Variants in TSEN15 observed in about 807,000 individuals in gnomAD.
TSEN15 encodes the protein tRNA splicing endonuclease subunit 15.
Under a neutral mutation model 20.5 loss-of-function variants are expected in TSEN15, and 10 were observed. The ratio of observed to expected loss-of-function variants is 0.49; its 90% confidence interval spans 0.30 to 0.83. The LOEUF is 0.83. TSEN15 is among the 40% of genes least tolerant of loss of function. TSEN15 has a pLI of 0.06. For synonymous variants in TSEN15, 72 were observed against 80.1 expected (o/e 0.90, Z 0.54); for missense variants, 180 against 218.6 (o/e 0.82, Z 1.11).
rs759310152 is a variant in TSEN15, at chr1:184,072,192, A to G, written c.389A>G (p.Gln130Arg). ...ATCTTGAAGGCATCTCGAAAGTTGCAAGGTGATCCAGATTTGCCGATGTCT... is the reference window on the plus strand; with the variant it reads ...ATCTTGAAGGCATCTCGAAAGTTGCGAGGTGATCCAGATTTGCCGATGTCT... ...REILKASRKLQGDPDLPMSFT... is the reference protein window; with the variant it reads ...REILKASRKLRGDPDLPMSFT... The change falls in exon 4 of 5, where the codon CAA becomes CGA. Residue 130 changes from glutamine to arginine, a missense_variant. By Grantham distance (43) the Gln-to-Arg change is conservative. Around this residue, in one of 3 missense-constraint regions of TSEN15, gnomAD observed 76 missense variants for 123.4 expected, o/e 0.62. Coordinates refer to ENST00000645668, the MANE Select transcript of TSEN15 (RefSeq NM_052965.4). 3 of 1,613,574 alleles carry G rather than the reference A, an allele frequency of 1.9e-6. No homozygotes were observed. The highest frequency in any genetic ancestry group is 2.5e-6 in the Non-Finnish European group (3 of 1,179,678).
At chr1:184,064,243 C>G (rs182254361) in intron 3 of TSEN15, among the ~76,000 whole-genome samples, 68 of 152,184 alleles carry the variant, frequency 4.5e-4, no homozygotes, top group African/African-American at 8.7e-4. Context: ...TCTGGGAAAA[C>G]TTACTGGAGG....
intron 3 of TSEN15, chr1:184,095,067 C>T (rs1651424279): frequency 2.5e-6 from 1 of 398,688 alleles, no homozygotes. Flanking sequence ...TTCACTGTTG[C>T]TGAGACTGCG....
chr1:184,097,443 T>C (rs1651475474), exon 4 of TSEN15: 1 of 152,264 alleles, frequency 6.6e-6, no homozygotes, highest in Admixed American at 6.5e-5. Context: ...AATCCCTTGC[T>C]TTTTATTCCT....
downstream of TSEN15, among the ~76,000 whole-genome samples, chr1:184,075,761 CTTT>C (rs1201452626): frequency 6.6e-6 from 1 of 151,964 alleles, no homozygotes; most frequent in Non-Finnish European, 1.5e-5. Context: ...CTCACATCCC[CTTT>C]TTCTTTCTGG....
chr1:184,071,939 TCTTTC>T (rs968647969), intron 3 of TSEN15: 21 of 446,506 alleles, frequency 4.7e-5, no homozygotes, highest in African/African-American at 4.3e-4. Context: ...TATACCATTC[TCTTTC>T]CTTTCCTTCT....
Position 184,054,747 on chromosome 1 carries a change from A to G in TSEN15, c.237A>G (p.Val79=). Residue 79 remains valine, a synonymous_variant, in exon 3 of 5, where the codon GTA becomes GTG. Transcript: ENST00000645668. ...DLMESKSWHE[V]NCVGLPELQL... is the part of the protein sequence containing the mutation. ...TTTCAGGCAAAAGCTGGCATGAAGT[A>G]AACTGTGTAGGATTACCAGAACTCC... 1 of 1,612,076 alleles carries G rather than the reference A, an allele frequency of 6.2e-7. No individual in the cohort carries two copies. Among genetic ancestry groups the G allele is most frequent in the Non-Finnish European group, 8.5e-7 (1 of 1,179,742 alleles).
chr1:184,054,446 T>A lies in TSEN15; in HGVS notation c.217+11T>A, dbSNP rs1650167590. On this transcript the variant is annotated intron_variant, in intron 2 of 4. Transcript: ENST00000645668. ...TGGACCTCATGGAAAGTAAGTTGTTTGTTTATATTGTTTTGTTATTGGGAC... is the reference window on the plus strand; with the variant it reads ...TGGACCTCATGGAAAGTAAGTTGTTAGTTTATATTGTTTTGTTATTGGGAC... The A allele has an allele frequency of 2.5e-6, 4 of 1,592,088 alleles. No homozygotes were observed. The highest frequency in any genetic ancestry group is 3.4e-6 in the Non-Finnish European group (4 of 1,161,280).
chr1:184,075,401 A>G (rs1244694494), downstream of TSEN15, among the ~76,000 whole-genome samples: 5 of 152,198 alleles, frequency 3.3e-5, no homozygotes, highest in African/African-American at 1.2e-4. Flanking sequence ...GTGAGTTTAC[A>G]TTTGTCTCCC....
intron 3 of TSEN15, among the ~76,000 whole-genome samples, chr1:184,085,858 T>C (rs1377040211): frequency 6.6e-6 from 1 of 152,194 alleles, no homozygotes; most frequent in Non-Finnish European, 1.5e-5. Context: ...TCAGTACTAG[T>C]CAAGGAACTG....
At chr1:184,072,356 T>C (rs1650917440) in intron 4 of TSEN15, 58 bp downstream of exon 4, 1 of 1,506,008 alleles carries the variant, frequency 6.6e-7, no homozygotes, top group African/African-American at 1.4e-5. Context: ...TATGACGTGA[T>C]TTTAAGTGTG....
intron 3 of TSEN15, chr1:184,070,574 C>T (rs1200174226): frequency 1.5e-5 from 14 of 922,876 alleles, no homozygotes; most frequent in Non-Finnish European, 1.8e-5. Flanking sequence ...TCAAGATGGA[C>T]AGCCTATAAA....
In TSEN15 at chr1:184,054,435, A is replaced by C; in HGVS notation, c.217A>C (p.Ser73Arg). ...CTTGGTTTACCTGGACCTCATGGAA[A>C]GTAAGTTGTTTGTTTATATTGTTTT... is the stretch of plus-strand genomic sequence containing the variant. ...AFLVYLDLME[S>R]KSWHEVNCVG... is the part of the protein sequence containing the mutation. The change falls in exon 2 of 5, where the codon AGC becomes CGC. Residue 73 changes from serine to arginine, a missense_variant and splice_region_variant. By Grantham distance (110) the Ser-to-Arg change is moderately radical. Transcript: ENST00000645668. 1 of 1,607,056 alleles carries C rather than the reference A, an allele frequency of 6.2e-7. No homozygotes were observed. The highest frequency in any genetic ancestry group is 1.1e-5 in the South Asian group (1 of 90,656).
Position 184,051,768 on chromosome 1 carries a change from G to A in TSEN15, c.13G>A (p.Gly5Ser), listed in dbSNP as rs777446348. The change falls in exon 1 of 5, where the codon GGC becomes AGC. Residue 5 changes from glycine (G) to serine (S), a missense_variant. Around this residue, in one of 3 missense-constraint regions of TSEN15, gnomAD observed 76 missense variants for 66.5 expected, o/e 1.14. Coordinates refer to ENST00000645668, the MANE Select transcript of TSEN15 (RefSeq NM_052965.4). The part of the protein sequence containing the change: MEER[G>S]DSEPTPGCSG... ...CGCACCGGCCGGCATGGAGGAGCGC[G>A]GCGATTCCGAGCCGACCCCCGGCTG... 11 of 1,498,560 alleles carry A rather than the reference G, an allele frequency of 7.3e-6. No homozygotes were observed. The African/African-American group carries it at 1.4e-4, about 19-fold the overall frequency. 92.8% of individuals were successfully genotyped at this position (1,498,560 alleles called of 1,614,324 possible). A position where few individuals can be genotyped will look rare whatever the true frequency, so the allele number is the denominator to read the frequency against.
At chr1:184,055,606 A>G (rs1173650857) in intron 3 of TSEN15, among the ~76,000 whole-genome samples, 1 of 152,166 alleles carries the variant, frequency 6.6e-6, no homozygotes, top group Non-Finnish European at 1.5e-5. Context: ...GCAGTTGGTG[A>G]AAAGCATGAT....
rs1651332971 is a variant in TSEN15 at position 184,090,161 on chromosome 1, A to C, written c.354-5529A>C. ...GCAATAAAAAGAACAAGCTACTGACATACACCACAACATGGGTGACTCACA... is the reference window on the plus strand; with the variant it reads ...GCAATAAAAAGAACAAGCTACTGACCTACACCACAACATGGGTGACTCACA... On this transcript the variant is annotated intron_variant, in intron 3 of 3. Coordinates refer to the TSEN15 transcript ENST00000643231. 2.0e-5 allele frequency among the ~76,000 whole-genome samples: 3 copies of C among 152,258 alleles called. No homozygotes were observed. The South Asian group carries it at 6.2e-4, about 31-fold the overall frequency.
chr1:184,084,637 T>C (rs1202703295), intron 3 of TSEN15, among the ~76,000 whole-genome samples: 1 of 151,874 alleles, frequency 6.6e-6, no homozygotes, highest in Non-Finnish European at 1.5e-5. Context: ...TTCTTGACAC[T>C]GGGAAGCTTA....
chr1:184,089,814 C>T (rs776215169), intron 3 of TSEN15, among the ~76,000 whole-genome samples: 10 of 151,898 alleles, frequency 6.6e-5, no homozygotes, highest in Admixed American at 5.9e-4. Context: ...TGTGCATTTC[C>T]CTTGGATGTT....
chr1:184,073,036 T>C lies in TSEN15; in HGVS notation c.*189T>C, dbSNP rs577737458. 1.7e-5 allele frequency: 10 copies of C among 580,576 alleles called. No homozygotes were observed. Among genetic ancestry groups the C allele is most frequent in the East Asian group, 1.2e-4 (4 of 32,654 alleles). 36.0% of individuals were successfully genotyped at this position (580,576 alleles called of 1,614,324 possible). On this transcript the variant is annotated 3_prime_UTR_variant, in exon 5 of 5. Transcript: ENST00000645668. ...AAGACTTTCTCCTTCTTAAAAAATA[T>C]AGGGTGATTTCTTTAAAACTTTGTT...
chr1:184,097,195 T>C (rs1651469960), exon 4 of TSEN15: 1 of 152,194 alleles, frequency 6.6e-6, no homozygotes, highest in Non-Finnish European at 1.5e-5. Flanking sequence ...GGGAACAATA[T>C]GCTGACTTCT....
Sources: allele counts gnomAD v4.1 joint callset (sites outside exome capture counted in the v4.1 genomes callset), GRCh38; gene constraint gnomAD v4.1.1; regional missense constraint gnomAD v4.1.1; transcripts MANE v1.5; gene names NCBI Gene and HGNC (gene_info 2026-07-23, HGNC 2026-07-21).